EMSY: variants seen among roughly 807,000 people sequenced by gnomAD.
The protein encoded by EMSY is BRCA2-interacting transcriptional repressor EMSY.
A neutral mutation model predicts 134.6 loss-of-function variants in EMSY; 26 were observed. That is an observed-to-expected ratio of 0.19 (90% CI 0.14 to 0.27). EMSY has a LOEUF of 0.27. Among genes scored for constraint, EMSY ranks in the 10% least tolerant of loss-of-function variants. EMSY has a pLI of 1.00. For synonymous variants in EMSY, 579 were observed against 577.8 expected, an observed-to-expected ratio of 1.00 and a Z score of -0.03; for missense variants, 1,305 against 1,611.4, an observed-to-expected ratio of 0.81 and a Z score of 3.26.
At chr11:76,466,942 AACAATTG>A (rs1356955816) in intron 7 of EMSY, among the ~76,000 whole-genome samples, 4 of 152,200 alleles carry the variant, frequency 2.6e-5, no homozygotes, top group African/African-American at 9.6e-5. Context: ...GTATGTATTC[AACAATTG>A]TTAGTTCCTT....
intron 8 of EMSY, among the ~76,000 whole-genome samples, chr11:76,478,905 A>C (rs1018759542): frequency 6.6e-6 from 1 of 151,858 alleles, no homozygotes; most frequent in African/African-American, 2.4e-5. Context: ...TATAGTGAAC[A>C]TCTTTGTGAA....
At chr11:76,521,655 C>T (rs1664723150) in intron 11 of EMSY, among the ~76,000 whole-genome samples, 15 of 151,590 alleles carry the variant, frequency 9.9e-5, no homozygotes, top group Admixed American at 9.9e-4. Context: ...TCCTAGGTAC[C>T]TAAGAGGCTG....
intron 4 of EMSY, 169 bp from the exon 6 acceptor site, chr11:76,458,014 T>A (rs1225283300): frequency 2.0e-6 from 1 of 503,930 alleles, no homozygotes; most frequent in East Asian, 3.3e-5. Context: ...GTGACATTCC[T>A]TGAATTATAA....
intron 9 of EMSY, chr11:76,496,804 T>A (rs1450934439): frequency 2.9e-6 from 1 of 348,226 alleles, no homozygotes; most frequent in East Asian, 7.7e-5. Context: ...TCCTTGGGAT[T>A]TTCTGTGTAT....
intron 3 of EMSY, 32 bp downstream of exon 3, chr11:76,451,989 G>T: frequency 7.3e-7 from 1 of 1,372,556 alleles, no homozygotes; most frequent in Non-Finnish European, 9.9e-7. Context: ...TGAGACTCTA[G>T]AAATTTCATT....
At chr11:76,525,416 C>CT (rs969179595) in intron 12 of EMSY, among the ~76,000 whole-genome samples, 6 of 152,106 alleles carry the variant, frequency 3.9e-5, no homozygotes, top group African/African-American at 1.4e-4. Flanking sequence ...CACGTGGGTG[C>CT]TTTGTTTTTA....
At chr11:76,516,222 G>A (rs1373772855) in exon 11 of EMSY, 1 of 1,613,788 alleles carries the variant, frequency 6.2e-7, no homozygotes, top group Admixed American at 1.7e-5. Flanking sequence ...TGCAACCTAT[G>A]TGAAAACTAC....
chr11:76,502,062 A>G (rs971704853), intron 9 of EMSY, among the ~76,000 whole-genome samples: 1 of 144,580 alleles, frequency 6.9e-6, no homozygotes, highest in African/African-American at 2.5e-5. Context: ...AAAAAAAAAA[A>G]CCCACCAACT....
At chr11:76,475,140 A>G (rs547947542) in intron 8 of EMSY, among the ~76,000 whole-genome samples, 2 of 152,316 alleles carry the variant, frequency 1.3e-5, no homozygotes, top group African/African-American at 4.8e-5. Flanking sequence ...TCACCATTTT[A>G]TAATTTGAAG....
intron 2 of EMSY, among the ~76,000 whole-genome samples, chr11:76,450,717 C>T (rs200683792): frequency 6.6e-6 from 1 of 151,542 alleles, no homozygotes; most frequent in East Asian, 1.9e-4. Context: ...GTGTTGAACT[C>T]CTGAGCTCAA....
intron 11 of EMSY, among the ~76,000 whole-genome samples, chr11:76,517,025 A>G (rs1290441128): frequency 6.6e-6 from 1 of 152,144 alleles, no homozygotes; most frequent in African/African-American, 2.4e-5. Context: ...ATCTGTTTTC[A>G]TCGATTATTA....
intron 11 of EMSY, among the ~76,000 whole-genome samples, chr11:76,522,797 A>G (rs1439058627): frequency 2.0e-5 from 3 of 152,156 alleles, no homozygotes; most frequent in Non-Finnish European, 2.9e-5. Flanking sequence ...CTTCAGTCAC[A>G]TATAATACTG....
intron 6 of EMSY, among the ~76,000 whole-genome samples, chr11:76,462,876 G>A (rs1948181724): frequency 6.6e-6 from 1 of 152,212 alleles, no homozygotes; most frequent in South Asian, 2.1e-4. Flanking sequence ...CAGTGCATAG[G>A]CATGATGAGA....
At chr11:76,488,920 T>C (rs1405318059) in intron 8 of EMSY, among the ~76,000 whole-genome samples, 2 of 152,232 alleles carry the variant, frequency 1.3e-5, no homozygotes, top group African/African-American at 4.8e-5. Flanking sequence ...TGGGTCTGTC[T>C]TAGGAAAGAA....
At chr11:76,485,948 A>G (rs10793172) in intron 8 of EMSY, among the ~76,000 whole-genome samples, 140,184 of 152,194 alleles carry the variant, frequency 0.92, 65,108 homozygotes, top group South Asian at 0.98. Context: ...AGACACATGC[A>G]CATGTATGTT....
chr11:76,472,950 C>T, intron 8 of EMSY, 110 bp downstream of exon 9: 1 of 1,115,780 alleles, frequency 9.0e-7, no homozygotes, highest in Non-Finnish European at 1.3e-6. Context: ...TACTATTAGA[C>T]CCAAGATCAC....
chr11:76,494,062 G>A (rs1193711827), intron 8 of EMSY, among the ~76,000 whole-genome samples: 9 of 152,256 alleles, frequency 5.9e-5, no homozygotes, highest in African/African-American at 1.4e-4. Context: ...AGCTGTGTGC[G>A]GTACATCTGG....
Position 76,550,198 on chromosome 11 carries a change from G to A in EMSY, c.*52G>A. 2.1e-6 allele frequency: 3 copies of A among 1,424,806 alleles called. No individual in the cohort carries two copies. The South Asian group carries it at 4.8e-5, about 23-fold the overall frequency. 88.3% of individuals were successfully genotyped at this position (1,424,806 alleles called of 1,614,324 possible). On this transcript the variant is annotated 3_prime_UTR_variant, in exon 21 of 21. Transcript: ENST00000334736. ...AACCTGCTTGGTTACCAAGTGTCCAGGGAAACCCTTGTATTTTGATGACTA... is the reference window on the plus strand; with the variant it reads ...AACCTGCTTGGTTACCAAGTGTCCAAGGAAACCCTTGTATTTTGATGACTA...
At chr11:76,523,034 A>G in intron 11 of EMSY, 121 bp from the exon 13 acceptor site, 1 of 953,090 alleles carries the variant, frequency 1.0e-6, no homozygotes, top group Non-Finnish European at 1.5e-6. Flanking sequence ...TCATCTTGAC[A>G]GCTTTCATGT....
Sources: gnomAD v4.1 joint callset for allele counts (sites outside exome capture counted in the v4.1 genomes callset) on GRCh38, gnomAD v4.1.1 for gene constraint, MANE v1.5 for transcripts, NCBI Gene and HGNC (gene_info 2026-07-23, HGNC 2026-07-21) for gene names.